The following RAP1GDS1 variants were observed in gnomAD, a reference collection of about 807,000 sequenced individuals.
RAP1GDS1 encodes Rap1 GTPase-GDP dissociation stimulator 1, also known as RAP1, GTP-GDP dissociation stimulator 1.
In RAP1GDS1, 35 loss-of-function variants were observed where a neutral mutation model predicts 71.1. The ratio of observed to expected loss-of-function variants is 0.49; its 90% CI spans 0.38 to 0.65. RAP1GDS1 has a LOEUF of 0.65. Among genes scored for constraint, RAP1GDS1 ranks in the 30% least tolerant of loss-of-function variants. The pLI is 0.00. For synonymous variants in RAP1GDS1, 229 were observed against 243.1 expected, an observed-to-expected ratio of 0.94 and a Z score of 0.54; for missense variants, 663 against 706.1, an observed-to-expected ratio of 0.94 and a Z score of 0.69.
intron 1 of RAP1GDS1, among the ~76,000 whole-genome samples, chr4:98,285,895 TAAAC>T (rs1725907082): frequency 7.1e-6 from 1 of 140,312 alleles, no homozygotes; most frequent in East Asian, 2.0e-4. Context: ...TAATTGTAAA[TAAAC>T]ATTATAAATT....
At chr4:98,404,342 A>C (rs1368824962) in intron 6 of RAP1GDS1, 135 bp from the exon 7 acceptor site, 1 of 829,314 alleles carries the variant, frequency 1.2e-6, no homozygotes, top group African/African-American at 1.8e-5. Context: ...GGACATTAAA[A>C]ATGGATTTGA....
chr4:98,301,367 CAT>C (rs1303696284), intron 2 of RAP1GDS1, among the ~76,000 whole-genome samples: 1 of 152,098 alleles, frequency 6.6e-6, no homozygotes, highest in Non-Finnish European at 1.5e-5. Flanking sequence ...ACTAAAAAGA[CAT>C]TGACAATTCC....
At chr4:98,409,857 T>A (rs1425091764) in intron 7 of RAP1GDS1, 3 of 189,520 alleles carry the variant, frequency 1.6e-5, no homozygotes, top group African/African-American at 7.1e-5. Flanking sequence ...AGTTAAAACT[T>A]CAGAGGGTTT....
intron 3 of RAP1GDS1, among the ~76,000 whole-genome samples, chr4:98,347,716 G>A (rs115519563): frequency 0.012 from 1,799 of 152,138 alleles, 33 homozygotes; most frequent in African/African-American, 0.04. Context: ...TCAGTTCTCC[G>A]AGTTCAAATT....
intron 8 of RAP1GDS1, among the ~76,000 whole-genome samples, 157 bp from the exon 9 acceptor site, chr4:98,417,210 A>G (rs1033642011): frequency 2.0e-5 from 3 of 152,218 alleles, no homozygotes; most frequent in African/African-American, 7.2e-5. Flanking sequence ...TCTAGTATCT[A>G]TTAAATGTTT....
chr4:98,426,463 T>C (rs1449406591), intron 12 of RAP1GDS1, among the ~76,000 whole-genome samples: 3 of 151,970 alleles, frequency 2.0e-5, no homozygotes, highest in African/African-American at 7.2e-5. Flanking sequence ...ATGAATAAGA[T>C]TGATAGACCA....
intron 2 of RAP1GDS1, among the ~76,000 whole-genome samples, chr4:98,334,758 A>AC (rs1203317914): frequency 6.6e-6 from 1 of 152,078 alleles, no homozygotes; most frequent in Non-Finnish European, 1.5e-5. Context: ...CATTTCCAAA[A>AC]GATACTTAAG....
At chr4:98,432,202 A>G (rs1436886241) in intron 12 of RAP1GDS1, among the ~76,000 whole-genome samples, 3 of 152,204 alleles carry the variant, frequency 2.0e-5, no homozygotes, top group Admixed American at 6.6e-5. Flanking sequence ...CAAAGAGAGG[A>G]CACTGTTCAT....
At chr4:98,267,434 C>T (rs887661006) in intron 1 of RAP1GDS1, among the ~76,000 whole-genome samples, 3 of 151,946 alleles carry the variant, frequency 2.0e-5, no homozygotes, top group African/African-American at 4.8e-5. Context: ...ATGAATAATC[C>T]CATCACCCAG....
In RAP1GDS1 at chr4:98,443,561, A is replaced by G. The variant is rs1423587395; in HGVS notation, c.*1444A>G. 5 of 223,698 alleles carry G rather than the reference A, an allele frequency of 2.2e-5. No individual in the cohort carries two copies. The allele number at this position is 223,698 out of a possible 1,614,324, so 13.9% of individuals were successfully genotyped here. On this transcript the variant is annotated 3_prime_UTR_variant, in exon 15 of 15. Coordinates refer to ENST00000408927, the MANE Select transcript of RAP1GDS1 (RefSeq NM_001100427.2). Reference sequence around the variant, plus strand: ...TGACAGTAGCTCCTTCCTCTCCAACATGTGATGCTACACATCTCTGTGGAT... The same window carrying G: ...TGACAGTAGCTCCTTCCTCTCCAACGTGTGATGCTACACATCTCTGTGGAT...
intron 2 of RAP1GDS1, among the ~76,000 whole-genome samples, chr4:98,326,269 A>C (rs1162837423): frequency 1.3e-5 from 2 of 152,160 alleles, no homozygotes; most frequent in Non-Finnish European, 2.9e-5. Context: ...CCAATAAATC[A>C]AAAACCTCTA....
At chr4:98,323,593 C>G (rs2110346803) in intron 2 of RAP1GDS1, among the ~76,000 whole-genome samples, 1 of 137,180 alleles carries the variant, frequency 7.3e-6, no homozygotes, top group South Asian at 2.6e-4. Flanking sequence ...TGGGCTTCAT[C>G]CCTGGGATGC....
chr4:98,370,568 CTT>C (rs199686711), intron 4 of RAP1GDS1, among the ~76,000 whole-genome samples: 18 of 141,536 alleles, frequency 1.3e-4, no homozygotes, highest in African/African-American at 1.3e-4. Context: ...TGCATTAAAG[CTT>C]TTTTTTTTTT....
chr4:98,436,707 A>G (rs1473530029), intron 13 of RAP1GDS1, among the ~76,000 whole-genome samples: 1 of 152,212 alleles, frequency 6.6e-6, no homozygotes, highest in Non-Finnish European at 1.5e-5. Context: ...GTCTCATATT[A>G]AAAGAAATGT....
chr4:98,375,805 A>G (rs1741088347), intron 4 of RAP1GDS1, among the ~76,000 whole-genome samples: 1 of 152,206 alleles, frequency 6.6e-6, no homozygotes, highest in South Asian at 2.1e-4. Flanking sequence ...GGCATTTGCC[A>G]TACACAAGGA....
At chr4:98,349,378 T>G (rs1736796269) in intron 3 of RAP1GDS1, among the ~76,000 whole-genome samples, 1 of 152,196 alleles carries the variant, frequency 6.6e-6, no homozygotes, top group Non-Finnish European at 1.5e-5. Flanking sequence ...AGCCTTGTAG[T>G]ATAGTTTGAA....
intron 14 of RAP1GDS1, chr4:98,441,772 T>C (rs1751897980): frequency 3.6e-6 from 2 of 556,970 alleles, no homozygotes; most frequent in Admixed American, 1.3e-4. Flanking sequence ...ATCTTTAAAA[T>C]TTTTTCCTTT....
intron 2 of RAP1GDS1, among the ~76,000 whole-genome samples, chr4:98,324,452 C>T (rs991577975): frequency 4.0e-5 from 6 of 150,990 alleles, no homozygotes; most frequent in Non-Finnish European, 8.8e-5. Flanking sequence ...AGAAAGAGCC[C>T]GCATCGCCAA....
At chr4:98,289,770 G>A (rs900887446) in intron 1 of RAP1GDS1, among the ~76,000 whole-genome samples, 4 of 152,058 alleles carry the variant, frequency 2.6e-5, no homozygotes, top group East Asian at 1.9e-4. Flanking sequence ...AAGAGAGATT[G>A]CTATTATTTC....
Sources: allele counts gnomAD v4.1 joint callset (sites outside exome capture counted in the v4.1 genomes callset), GRCh38; gene constraint gnomAD v4.1.1; transcripts MANE v1.5; gene names NCBI Gene and HGNC (gene_info 2026-07-23, HGNC 2026-07-21).